MACROD2: variants seen among roughly 807,000 people sequenced by gnomAD.
MACROD2 encodes mono-ADP ribosylhydrolase 2.
In MACROD2, 36 loss-of-function variants were observed where a neutral mutation model predicts 70.4. The ratio of observed to expected loss-of-function variants is 0.51; its 90% confidence interval spans 0.39 to 0.68. The LOEUF is 0.68. MACROD2 is among the 30% of genes least tolerant of loss of function. The pLI, the probability that MACROD2 is intolerant of heterozygous loss-of-function variation, is 0.00. For synonymous variants in MACROD2, 172 were observed against 178.8 expected (o/e 0.96, Z 0.30); for missense variants, 496 against 538.4 (o/e 0.92, Z 0.78).
At chr20:15,608,688 A>G (rs2048926734) in intron 8 of MACROD2, among the ~76,000 whole-genome samples, 1 of 152,222 alleles carries the variant, frequency 6.6e-6, no homozygotes. Context: ...AGCCTTTTGC[A>G]TAATTGATCC....
At chr20:15,009,516 G>T (rs1004603248) in intron 5 of MACROD2, among the ~76,000 whole-genome samples, 2 of 152,120 alleles carry the variant, frequency 1.3e-5, no homozygotes, top group East Asian at 1.9e-4. Flanking sequence ...AGAGGACAGA[G>T]ATCTGATTAT....
intron 4 of MACROD2, among the ~76,000 whole-genome samples, chr20:14,514,874 C>T (rs2085074073): frequency 6.6e-6 from 1 of 152,100 alleles, no homozygotes; most frequent in Admixed American, 6.6e-5. Flanking sequence ...TAAGCAATAG[C>T]ATCTGCTTAG....
chr20:14,429,263 C>T (rs556403673), intron 3 of MACROD2, among the ~76,000 whole-genome samples: 2 of 152,218 alleles, frequency 1.3e-5, no homozygotes, highest in South Asian at 4.2e-4. Context: ...TAGGCCAGAC[C>T]TTTATAATTT....
chr20:15,709,227 C>A (rs2050588043), intron 8 of MACROD2, among the ~76,000 whole-genome samples: 1 of 152,210 alleles, frequency 6.6e-6, no homozygotes, highest in Non-Finnish European at 1.5e-5. Flanking sequence ...TGTGGTGGCC[C>A]TGCAGATGGC....
chr20:14,090,737 A>C (rs1047425088), intron 3 of MACROD2, among the ~76,000 whole-genome samples: 2 of 152,210 alleles, frequency 1.3e-5, no homozygotes, highest in African/African-American at 4.8e-5. Flanking sequence ...CAGTACCGAT[A>C]TCCCTTTGAC....
At chr20:15,579,632 A>T (rs570360875) in intron 8 of MACROD2, among the ~76,000 whole-genome samples, 1 of 152,322 alleles carries the variant, frequency 6.6e-6, no homozygotes, top group East Asian at 1.9e-4. Context: ...TTGTCTCACA[A>T]TCATACATGT....
In MACROD2 at chr20:16,045,163, G is replaced by A. The variant is rs570594052; in HGVS notation, c.1300+524G>A. ...GTGCGTCTGCACAAAGGTTTGTTAT[G>A]TTGAATGAGCTTCAGGGAACTCCCA... On this transcript the variant is annotated intron_variant, in intron 17 of 17. Transcript: ENST00000684519. Among the ~76,000 whole-genome samples the A allele has an allele frequency of 1.1e-4, 16 of 152,216 alleles. No homozygotes were observed. The East Asian group carries it at 3.1e-3, about 30-fold the overall frequency.
At chr20:14,777,409 C>T (rs1418138990) in intron 5 of MACROD2, among the ~76,000 whole-genome samples, 4 of 151,948 alleles carry the variant, frequency 2.6e-5, no homozygotes, top group Non-Finnish European at 5.9e-5. Context: ...GAGAGCAGGA[C>T]GTGCCCTATG....
chr20:15,402,537 T>G (rs1487728094), intron 6 of MACROD2, among the ~76,000 whole-genome samples: 1 of 152,182 alleles, frequency 6.6e-6, no homozygotes, highest in Non-Finnish European at 1.5e-5. Context: ...ATTCATCTCT[T>G]TGAGATCAAA....
chr20:14,838,267 A>G (rs1157518525), intron 5 of MACROD2, among the ~76,000 whole-genome samples: 1 of 152,136 alleles, frequency 6.6e-6, no homozygotes, highest in Non-Finnish European at 1.5e-5. Flanking sequence ...AGAAACTTGT[A>G]ATTAATAGTA....
intron 3 of MACROD2, among the ~76,000 whole-genome samples, chr20:14,142,520 A>G (rs971604202): frequency 6.6e-6 from 1 of 152,200 alleles, no homozygotes; most frequent in Non-Finnish European, 1.5e-5. Context: ...CTGGCTTGTT[A>G]GCAGAGTGCC....
At chr20:14,892,384 A>T (rs2073773270) in intron 5 of MACROD2, among the ~76,000 whole-genome samples, 1 of 152,102 alleles carries the variant, frequency 6.6e-6, no homozygotes, top group South Asian at 2.1e-4. Flanking sequence ...CTGAGACACG[A>T]GAATCACTTA....
intron 8 of MACROD2, among the ~76,000 whole-genome samples, chr20:15,520,080 A>G (rs1360755535): frequency 2.0e-5 from 3 of 152,256 alleles, no homozygotes; most frequent in African/African-American, 7.2e-5. Context: ...GGGAAAACTT[A>G]TCATAGAAAA....
chr20:15,253,667 G>T (rs2077174710), intron 6 of MACROD2, among the ~76,000 whole-genome samples: 1 of 152,128 alleles, frequency 6.6e-6, no homozygotes, highest in Non-Finnish European at 1.5e-5. Flanking sequence ...GCTGGGGCAA[G>T]AATAACTATA....
chr20:15,887,789 A>G (rs143198896), intron 10 of MACROD2, among the ~76,000 whole-genome samples: 6 of 152,328 alleles, frequency 3.9e-5, no homozygotes, highest in Non-Finnish European at 5.9e-5. Context: ...GTATAACACA[A>G]TAATCCAAAA....
rs1405146293 is a variant in MACROD2, at chr20:15,321,776, A to G, written c.540+91715A>G. On this transcript the variant is annotated intron_variant, in intron 6 of 17. Coordinates refer to ENST00000684519, the MANE Select transcript of MACROD2 (RefSeq NM_001351661.2). ...TATAATGTATGTGTGTGGTGATATT[A>G]AAAGATATCCATTTTTTGTTGTTGT... Among the ~76,000 whole-genome samples the G allele has an allele frequency of 2.8e-5, 4 of 143,972 alleles. 1 individual carries two copies. The highest frequency in any genetic ancestry group is 9.9e-5 in the African/African-American group (4 of 40,354). The allele number at this position is 143,972 out of a possible 152,430, so 94.5% of individuals were successfully genotyped here.
rs1214585369 is a variant in MACROD2 at position 14,813,971 on chromosome 20, C to T, written c.418+129012C>T. On this transcript the variant is annotated intron_variant, in intron 5 of 17. Coordinates refer to ENST00000684519, the MANE Select transcript of MACROD2 (RefSeq NM_001351661.2). Reference sequence around the variant, plus strand: ...TCCACTGACAAGCTATCTCATTAACCAGCAACCAGCTATCTCATTAACATA... The same window carrying T: ...TCCACTGACAAGCTATCTCATTAACTAGCAACCAGCTATCTCATTAACATA... Among the ~76,000 whole-genome samples, 3 of 152,052 alleles carry T rather than the reference C, an allele frequency of 2.0e-5. No individual in the cohort carries two copies. The East Asian group carries it at 5.8e-4, about 29-fold the overall frequency.
rs930179612 is a variant in MACROD2 at position 15,071,505 on chromosome 20, A to G, written c.419-158435A>G. On this transcript the variant is annotated intron_variant, in intron 5 of 17. Coordinates refer to ENST00000684519, the MANE Select transcript of MACROD2 (RefSeq NM_001351661.2). Reference sequence around the variant, plus strand: ...GAGAAAAGAGAGGAGAAAATTTTGTAATGCTATTTGAAACTTTATGCAAAA... The same window carrying G: ...GAGAAAAGAGAGGAGAAAATTTTGTGATGCTATTTGAAACTTTATGCAAAA... Among the ~76,000 whole-genome samples, 11 of 152,188 alleles carry G rather than the reference A, an allele frequency of 7.2e-5. 1 individual carries two copies. The highest frequency in any genetic ancestry group is 1.3e-4 in the Non-Finnish European group (9 of 68,018).
At chr20:14,098,819 A>C (rs1172305424) in intron 3 of MACROD2, among the ~76,000 whole-genome samples, 3 of 152,218 alleles carry the variant, frequency 2.0e-5, no homozygotes, top group African/African-American at 7.2e-5. Flanking sequence ...AAGCATCAAA[A>C]GTCATCAAAG....
Sources: allele counts gnomAD v4.1 joint callset (sites outside exome capture counted in the v4.1 genomes callset), GRCh38; gene constraint gnomAD v4.1.1; transcripts MANE v1.5; gene names NCBI Gene and HGNC (gene_info 2026-07-23, HGNC 2026-07-21).